Variants in CFAP61 observed in about 807,000 individuals in gnomAD.
CFAP61 encodes the protein cilia- and flagella-associated protein 61.
CFAP61 carries 107 observed loss-of-function variants against 135.6 expected under a neutral mutation model. The observed-to-expected ratio is 0.79, with a 90% confidence interval of 0.67 to 0.93. The LOEUF is 0.93. CFAP61 is among the 40% of genes least tolerant of loss of function. The pLI, the probability that CFAP61 is intolerant of heterozygous loss-of-function variation, is 0.00. For synonymous variants in CFAP61, 575 were observed against 578.5 expected, an observed-to-expected ratio of 0.99 and a Z score of 0.09; for missense variants, 1,507 against 1,556.2, an observed-to-expected ratio of 0.97 and a Z score of 0.53.
At chr20:20,074,742 C>T (rs2045940331) in intron 4 of CFAP61, among the ~76,000 whole-genome samples, 1 of 152,140 alleles carries the variant, frequency 6.6e-6, no homozygotes, top group Non-Finnish European at 1.5e-5. Context: ...TTCAAAGCAT[C>T]CTGAATAATA....
chr20:20,240,732 A>C (rs986459495), intron 18 of CFAP61, among the ~76,000 whole-genome samples: 3 of 152,198 alleles, frequency 2.0e-5, no homozygotes, highest in African/African-American at 4.8e-5. Flanking sequence ...TCTTTGAAAC[A>C]TCACTGTGTT....
intron 14 of CFAP61, among the ~76,000 whole-genome samples, chr20:20,188,290 A>G (rs1036807180): frequency 3.3e-5 from 5 of 152,376 alleles, no homozygotes; most frequent in Admixed American, 3.3e-4. Context: ...AATCCTTCTC[A>G]GGAAGATAGA....
chr20:20,210,423 A>G (rs185496218), intron 17 of CFAP61, among the ~76,000 whole-genome samples: 1 of 152,272 alleles, frequency 6.6e-6, no homozygotes, highest in Non-Finnish European at 1.5e-5. Context: ...CCTTCTTGCA[A>G]CCCGTTATCT....
chr20:20,197,302 G>A (rs1198388276), intron 16 of CFAP61, among the ~76,000 whole-genome samples: 1 of 152,170 alleles, frequency 6.6e-6, no homozygotes, highest in Non-Finnish European at 1.5e-5. Flanking sequence ...TGCCACATTT[G>A]CATGGAGTAA....
rs928515924 is a variant in CFAP61, at chr20:20,324,128, A to G, written c.3423-17703A>G. 6.6e-5 allele frequency among the ~76,000 whole-genome samples: 10 copies of G among 152,214 alleles called. 1 individual carries two copies. The highest frequency in any genetic ancestry group is 2.4e-4 in the African/African-American group (10 of 41,510). Reference sequence around the variant, plus strand: ...AATATTCTCAATTCTTATGCATTCAATGTATTTTTATTGAACAATAGTGTG... The same window carrying G: ...AATATTCTCAATTCTTATGCATTCAGTGTATTTTTATTGAACAATAGTGTG... On this transcript the variant is annotated intron_variant, in intron 25 of 26. Coordinates refer to ENST00000245957, the MANE Select transcript of CFAP61 (RefSeq NM_015585.4).
At chr20:20,276,910 G>A (rs535632171) in intron 21 of CFAP61, among the ~76,000 whole-genome samples, 2 of 152,250 alleles carry the variant, frequency 1.3e-5, no homozygotes, top group African/African-American at 4.8e-5. Context: ...GTTTCTTTCA[G>A]CCTAATTTCA....
At chr20:20,178,105 GC>G (rs1477271022) in intron 13 of CFAP61, among the ~76,000 whole-genome samples, 2 of 152,216 alleles carry the variant, frequency 1.3e-5, no homozygotes, top group African/African-American at 2.4e-5. Context: ...CTCTGGCTGT[GC>G]TGGTGAGCAC....
intron 26 of CFAP61, among the ~76,000 whole-genome samples, chr20:20,349,173 A>G (rs2122423679): frequency 6.6e-6 from 1 of 152,354 alleles, no homozygotes; most frequent in Admixed American, 6.5e-5. Flanking sequence ...CATTGTCTAC[A>G]TTATCAGTTG....
At chr20:20,069,903 T>G (rs941974544) in intron 2 of CFAP61, 2 of 311,932 alleles carry the variant, frequency 6.4e-6, no homozygotes, top group Non-Finnish European at 1.3e-5. Context: ...GGAACATGGG[T>G]AACTGCTGCC....
intron 24 of CFAP61, 29 bp from the exon 25 acceptor site, chr20:20,298,152 T>C (rs1196467949): frequency 1.1e-5 from 16 of 1,502,700 alleles, no homozygotes; most frequent in African/African-American, 2.8e-5. Context: ...TTTCTAATGT[T>C]GTTTTTCTTG....
intron 18 of CFAP61, among the ~76,000 whole-genome samples, chr20:20,235,255 C>T (rs557115629): frequency 6.6e-6 from 1 of 152,208 alleles, no homozygotes; most frequent in East Asian, 1.9e-4. Flanking sequence ...TAAACTCTCC[C>T]CTCCTTTCTT....
chr20:20,187,993 C>T lies in CFAP61; in HGVS notation c.1449C>T (p.Thr483=). Residue 483 remains threonine (T), a synonymous_variant, in exon 14 of 27, where the codon ACC becomes ACT. Transcript: ENST00000245957. ...DTPGVENLVS[T]LMLNKSILED... ...CTGGTGTGGAAAATCTTGTCAGCACCCTCATGTTGAATAAAAGCATATTGG... is the reference window on the plus strand; with the variant it reads ...CTGGTGTGGAAAATCTTGTCAGCACTCTCATGTTGAATAAAAGCATATTGG... 3 of 1,613,810 alleles carry T rather than the reference C, an allele frequency of 1.9e-6. No individual in the cohort carries two copies. Among genetic ancestry groups the T allele is most frequent in the Admixed American group, 1.7e-5 (1 of 60,008 alleles).
At chr20:20,149,141 T>G (rs1300328970) in intron 9 of CFAP61, among the ~76,000 whole-genome samples, 1 of 152,192 alleles carries the variant, frequency 6.6e-6, no homozygotes, top group Non-Finnish European at 1.5e-5. Context: ...TTTTCAAGTA[T>G]ACATAGAACA....
chr20:20,054,462 C>T (rs1203228328), intron 1 of CFAP61, among the ~76,000 whole-genome samples: 1 of 151,878 alleles, frequency 6.6e-6, no homozygotes, highest in African/African-American at 2.4e-5. Flanking sequence ...TTACATTAAA[C>T]TTTATATGTA....
In CFAP61 at chr20:20,343,850, C is replaced by T. The variant is rs1033592804; in HGVS notation, c.3513+1929C>T. Among the ~76,000 whole-genome samples, 4 of 152,216 alleles carry T rather than the reference C, an allele frequency of 2.6e-5. No individual in the cohort carries two copies. The East Asian group carries it at 5.8e-4, about 22-fold the overall frequency. ...ACTGTCAAGCCCAAGGCATCCACCA[C>T]GTTTCATACAACTCACTGAGATACC... is the stretch of plus-strand genomic sequence containing the variant. On this transcript the variant is annotated intron_variant, in intron 26 of 26. Transcript: ENST00000245957.
chr20:20,267,791 C>T (rs2052908369), intron 21 of CFAP61: 1 of 152,336 alleles, frequency 6.6e-6, no homozygotes, highest in South Asian at 2.1e-4. Flanking sequence ...CAGGATCCTC[C>T]GCAAGGCAAG....
chr20:20,193,215 G>A (rs2056046079), intron 15 of CFAP61, among the ~76,000 whole-genome samples: 1 of 152,020 alleles, frequency 6.6e-6, no homozygotes, highest in South Asian at 2.1e-4. Context: ...TGGCTTTCTG[G>A]TGTTCCTGAT....
At chr20:20,124,264 T>C (rs1378851295) in intron 8 of CFAP61, among the ~76,000 whole-genome samples, 1 of 151,732 alleles carries the variant, frequency 6.6e-6, no homozygotes, top group Admixed American at 6.6e-5. Context: ...GGTTAGGACT[T>C]CCAGTGCTAT....
chr20:20,119,396 TG>T (rs2049433961), intron 8 of CFAP61, among the ~76,000 whole-genome samples: 1 of 152,294 alleles, frequency 6.6e-6, no homozygotes, highest in Admixed American at 6.5e-5. Flanking sequence ...TCCAATTTGT[TG>T]GTGTGTAATT....
Sources: gnomAD v4.1 joint callset for allele counts (sites outside exome capture counted in the v4.1 genomes callset) on GRCh38, gnomAD v4.1.1 for gene constraint, MANE v1.5 for transcripts, NCBI Gene and HGNC (gene_info 2026-07-23, HGNC 2026-07-21) for gene names.